The following PDE8B variants were observed in gnomAD, a reference collection of about 807,000 sequenced individuals.
PDE8B encodes high affinity cAMP-specific and IBMX-insensitive 3',5'-cyclic phosphodiesterase 8B.
PDE8B carries 26 observed loss-of-function variants against 101.3 expected under a neutral mutation model. The observed-to-expected ratio is 0.26, with a 90% CI of 0.19 to 0.36. PDE8B has a LOEUF of 0.36. Ranked by LOEUF, PDE8B falls within the 10% of genes least tolerant of loss-of-function variation. PDE8B has a pLI of 1.00. For synonymous variants in PDE8B, 424 were observed against 429.3 expected (o/e 0.99, Z 0.15); for missense variants, 810 against 1,163.1 (o/e 0.70, Z 4.42).
intron 10 of PDE8B, among the ~76,000 whole-genome samples, chr5:77,386,759 G>GCATTTGGCC (rs1788727792): frequency 6.6e-6 from 1 of 151,660 alleles, no homozygotes; most frequent in African/African-American, 2.4e-5. Flanking sequence ...TTTAATTGGG[G>GCATTTGGCC]CATTTGGCCC....
chr5:77,418,560 T>C (rs955547239), intron 18 of PDE8B, 114 bp downstream of exon 18: 1 of 764,622 alleles, frequency 1.3e-6, no homozygotes, highest in African/African-American at 1.7e-5. Context: ...CTGTACCAGA[T>C]GATAAAATAA....
chr5:77,315,980 G>GT (rs748665964), intron 2 of PDE8B, among the ~76,000 whole-genome samples: 128 of 147,888 alleles, frequency 8.7e-4, no homozygotes, highest in African/African-American at 2.2e-3. Flanking sequence ...GCATATTGGG[G>GT]TTTTTTTTTC....
At chr5:77,097,240 G>C in the PDE8B span, among the ~76,000 whole-genome samples, 2,758 of 152,234 alleles carry the variant, frequency 0.018, 94 homozygotes, top group African/African-American at 0.062. Context: ...CAGAGTTGCT[G>C]GAATGGGGAG....
the PDE8B span, among the ~76,000 whole-genome samples, chr5:77,201,071 C>G: frequency 5.3e-5 from 8 of 152,210 alleles, no homozygotes; most frequent in Admixed American, 5.2e-4. Context: ...GCAGGGCCTT[C>G]AGGCAGAGCT....
chr5:77,220,328 A>C (rs1750832890), intron 1 of PDE8B, among the ~76,000 whole-genome samples: 1 of 152,176 alleles, frequency 6.6e-6, no homozygotes. Flanking sequence ...AGTGTGATCC[A>C]CTTAGCCTGA....
At chr5:77,267,716 GC>G (rs2149749389) in intron 1 of PDE8B, among the ~76,000 whole-genome samples, 1 of 152,304 alleles carries the variant, frequency 6.6e-6, no homozygotes, top group African/African-American at 2.4e-5. Flanking sequence ...TTTCTCACAA[GC>G]CTCTTCAGTC....
intron 1 of PDE8B, among the ~76,000 whole-genome samples, chr5:77,224,079 T>C (rs2149448371): frequency 6.6e-6 from 1 of 152,232 alleles, no homozygotes; most frequent in East Asian, 1.9e-4. Context: ...CACTGGACAC[T>C]TGGGATCTGA....
chr5:77,396,248 G>A (rs1026647673), intron 10 of PDE8B, among the ~76,000 whole-genome samples: 3 of 152,134 alleles, frequency 2.0e-5, no homozygotes, highest in Non-Finnish European at 4.4e-5. Flanking sequence ...CTACCTTCTT[G>A]GCAACCACAG....
Position 77,413,273 on chromosome 5 carries a change from C to T in PDE8B, c.1875C>T (p.His625=), listed in dbSNP as rs527360774. The change falls in exon 17 of 22, where the codon CAC becomes CAT. Residue 625 remains histidine, a synonymous_variant. Transcript: ENST00000264917. The part of the protein sequence containing the change: ...HNSTHAADVL[H]ATAFFLGKER... Reference sequence around the variant, plus strand: ...CCACCCATGCTGCCGACGTCCTGCACGCCACCGCTTTCTTTCTTGGAAAGG... The same window carrying T: ...CCACCCATGCTGCCGACGTCCTGCATGCCACCGCTTTCTTTCTTGGAAAGG... 1.8e-5 allele frequency: 29 copies of T among 1,613,856 alleles called. No individual in the cohort carries two copies. Among genetic ancestry groups the T allele is most frequent in the Admixed American group, 1.5e-4 (9 of 59,998 alleles).
the PDE8B span, among the ~76,000 whole-genome samples, chr5:77,130,867 T>G: frequency 6.6e-6 from 1 of 152,236 alleles, no homozygotes; most frequent in East Asian, 1.9e-4. Context: ...CACATATTGC[T>G]ATTCCCAGTT....
At chr5:77,285,765 C>A (rs1765876939) in intron 1 of PDE8B, among the ~76,000 whole-genome samples, 1 of 84,900 alleles carries the variant, frequency 1.2e-5, no homozygotes, top group Non-Finnish European at 2.0e-5. Flanking sequence ...ATCCCTAGGT[C>A]TCTGTTTATT....
intron 17 of PDE8B, among the ~76,000 whole-genome samples, chr5:77,416,479 C>T (rs994177678): frequency 1.3e-5 from 2 of 152,194 alleles, no homozygotes. Flanking sequence ...ACCGTGGCCT[C>T]TCCTGACCAG....
chr5:77,363,992 G>A (rs1783638187), intron 10 of PDE8B, among the ~76,000 whole-genome samples: 1 of 152,166 alleles, frequency 6.6e-6, no homozygotes, highest in Non-Finnish European at 1.5e-5. Context: ...TCATGTGGAT[G>A]GGCCTGTTTA....
chr5:77,369,056 A>C (rs1029765276), intron 10 of PDE8B, among the ~76,000 whole-genome samples: 2 of 152,006 alleles, frequency 1.3e-5, no homozygotes, highest in Non-Finnish European at 2.9e-5. Context: ...TACAAAAATT[A>C]GCTGGGCGTG....
chr5:77,292,659 G>A (rs1045615189), intron 1 of PDE8B, among the ~76,000 whole-genome samples: 1 of 152,136 alleles, frequency 6.6e-6, no homozygotes, highest in East Asian at 1.9e-4. Context: ...CAGCCCATTT[G>A]TGTATTTGTT....
intron 1 of PDE8B, among the ~76,000 whole-genome samples, chr5:77,309,941 A>ACC (rs772985826): frequency 0.015 from 1,273 of 82,950 alleles, 176 homozygotes; most frequent in African/African-American, 0.056. Flanking sequence ...TTAATCATTA[A>ACC]TCTTTTTTTT....
intron 2 of PDE8B, among the ~76,000 whole-genome samples, chr5:77,321,096 G>A (rs1581025121): frequency 6.7e-6 from 1 of 150,076 alleles, no homozygotes; most frequent in East Asian, 2.0e-4. Flanking sequence ...GGCCATCTCT[G>A]AGCCGTTTGA....
At chr5:77,313,297 A>G (rs751962805) in intron 2 of PDE8B, among the ~76,000 whole-genome samples, 2,138 of 147,666 alleles carry the variant, frequency 0.014, 20 homozygotes, top group Admixed American at 0.02. Context: ...CTAGGAAAGG[A>G]AAAAAAAAAA....
the PDE8B span, among the ~76,000 whole-genome samples, chr5:77,169,958 A>ATTG: frequency 1.3e-5 from 2 of 152,176 alleles, no homozygotes; most frequent in Non-Finnish European, 2.9e-5. Context: ...CTCTATCTCA[A>ATTG]GTTCCCTATT....
Sources: gnomAD v4.1 joint callset for allele counts (sites outside exome capture counted in the v4.1 genomes callset) on GRCh38, gnomAD v4.1.1 for gene constraint, MANE v1.5 for transcripts, NCBI Gene and HGNC (gene_info 2026-07-23, HGNC 2026-07-21) for gene names.